Variants in FBXL17 observed in about 807,000 individuals in gnomAD.
The protein encoded by FBXL17 is F-box/LRR-repeat protein 17.
In FBXL17, 22 loss-of-function variants were observed where a neutral mutation model predicts 66.2. That is an observed-to-expected ratio of 0.33 (90% CI 0.24 to 0.47). The LOEUF (loss-of-function observed/expected upper bound fraction) is 0.47. FBXL17 is among the 20% of genes least tolerant of loss of function. The pLI is 1.00. For missense variants in FBXL17, 878 were observed against 948.2 expected, an observed-to-expected ratio of 0.93 and a Z score of 0.97; for synonymous variants, 474 against 400.5, an observed-to-expected ratio of 1.18 and a Z score of -2.19.
intron 6 of FBXL17, among the ~76,000 whole-genome samples, chr5:108,070,168 A>G (rs1162428378): frequency 6.6e-6 from 1 of 152,220 alleles, no homozygotes; most frequent in Admixed American, 6.5e-5. Context: ...CTATCATTCC[A>G]TTAGAACCAA....
intron 6 of FBXL17, among the ~76,000 whole-genome samples, chr5:108,082,628 CAA>C (rs3039992): frequency 0.34 from 51,423 of 151,778 alleles, 8,945 homozygotes; most frequent in Admixed American, 0.41. Flanking sequence ...TTTATAACTG[CAA>C]AGTGTGGTAG....
Position 108,272,254 on chromosome 5 carries a change from G to A in FBXL17, c.1507-48026C>T, listed in dbSNP as rs190565211. ...TGCAGTGACCCGAGATCGCGCCACC[G>A]CACTCCAACCTGGGCGACAGCAAGA... On this transcript the variant is annotated intron_variant, in intron 4 of 8. Transcript: ENST00000542267. 4.4e-4 allele frequency among the ~76,000 whole-genome samples: 67 copies of A among 151,500 alleles called. 1 individual carries two copies. The Middle Eastern group carries it at 0.01, about 23-fold the overall frequency.
chr5:108,245,971 C>T (rs1756077096), intron 4 of FBXL17, among the ~76,000 whole-genome samples: 1 of 152,146 alleles, frequency 6.6e-6, no homozygotes, highest in Non-Finnish European at 1.5e-5. Flanking sequence ...TTATTGAATA[C>T]ATGAATGAGT....
intron 4 of FBXL17, among the ~76,000 whole-genome samples, chr5:108,323,066 C>T (rs1759691537): frequency 6.6e-6 from 1 of 151,724 alleles, no homozygotes; most frequent in African/African-American, 2.4e-5. Flanking sequence ...CCATTTATGC[C>T]ACTTCTACTT....
intron 6 of FBXL17, among the ~76,000 whole-genome samples, chr5:108,104,055 G>A (rs1384047499): frequency 1.3e-5 from 2 of 152,058 alleles, no homozygotes; most frequent in African/African-American, 4.8e-5. Flanking sequence ...TGTTTTTTGA[G>A]ATGCAGCTTC....
intron 7 of FBXL17, among the ~76,000 whole-genome samples, chr5:107,940,779 A>G (rs1156955885): frequency 6.6e-6 from 1 of 152,194 alleles, no homozygotes; most frequent in Non-Finnish European, 1.5e-5. Context: ...TCTGCATTTT[A>G]AAAGGCAGGC....
chr5:108,298,888 T>A (rs1758459731), intron 4 of FBXL17: 3 of 929,880 alleles, frequency 3.2e-6, no homozygotes, highest in South Asian at 9.9e-5. Flanking sequence ...AAAATGAGCC[T>A]TTTTTCCATA....
Position 108,186,052 on chromosome 5 carries a change from T to C in FBXL17, c.1745+65A>G, listed in dbSNP as rs1034319753. The stretch of plus-strand genomic sequence containing the variant: ...TTTTAGTTATAGACATGCCTTGTTA[T>C]AATAATTAATATTTCCTAAATGTTT... On this transcript the variant is annotated intron_variant, in intron 6 of 8. Transcript: ENST00000542267. The C allele has an allele frequency of 2.3e-6, 3 of 1,299,446 alleles. No individual in the cohort carries two copies. In the Admixed American group the frequency reaches 5.7e-5, roughly 25 times the overall value. 80.5% of individuals were successfully genotyped at this position (1,299,446 alleles called of 1,614,324 possible).
At chr5:108,349,421 C>T (rs1054950278) in intron 3 of FBXL17, among the ~76,000 whole-genome samples, 1 of 151,798 alleles carries the variant, frequency 6.6e-6, no homozygotes, top group Non-Finnish European at 1.5e-5. Context: ...ATAAACATTG[C>T]TTTTGTAAGA....
At chr5:107,906,149 C>G (rs1037221836) in intron 7 of FBXL17, among the ~76,000 whole-genome samples, 1 of 151,400 alleles carries the variant, frequency 6.6e-6, no homozygotes, top group African/African-American at 2.4e-5. Flanking sequence ...AACTAGATGA[C>G]AGGCCAGCCA....
chr5:108,340,226 T>G (rs1746791697), intron 4 of FBXL17, among the ~76,000 whole-genome samples: 1 of 151,622 alleles, frequency 6.6e-6, no homozygotes, highest in South Asian at 2.1e-4. Context: ...AAAATGTATT[T>G]ATTCTTCAGA....
intron 5 of FBXL17, among the ~76,000 whole-genome samples, chr5:108,211,686 GA>G (rs1434241474): frequency 6.6e-6 from 1 of 152,206 alleles, no homozygotes; most frequent in African/African-American, 2.4e-5. Context: ...GATTTCTACA[GA>G]AAGATCCCCT....
chr5:108,050,344 C>G (rs935773154), intron 6 of FBXL17, among the ~76,000 whole-genome samples: 5 of 152,146 alleles, frequency 3.3e-5, no homozygotes, highest in African/African-American at 1.2e-4. Context: ...TGCAAAAGAA[C>G]TGAAATCATA....
At chr5:108,058,151 A>T (rs1747782210) in intron 6 of FBXL17, among the ~76,000 whole-genome samples, 1 of 152,204 alleles carries the variant, frequency 6.6e-6, no homozygotes. Flanking sequence ...TCTGTTAAGT[A>T]TTTACTTAGC....
At chr5:108,014,012 C>T (rs1256512835) in intron 7 of FBXL17, among the ~76,000 whole-genome samples, 1 of 152,068 alleles carries the variant, frequency 6.6e-6, no homozygotes, top group African/African-American at 2.4e-5. Context: ...TGATAATCGT[C>T]AATAATAATT....
intron 6 of FBXL17, among the ~76,000 whole-genome samples, chr5:108,067,795 T>A (rs286748): frequency 1.3e-5 from 2 of 152,088 alleles, no homozygotes; most frequent in African/African-American, 4.8e-5. Flanking sequence ...TGAAACTGAT[T>A]CAACATTTGG....
chr5:107,975,153 T>C (rs1247500771), intron 7 of FBXL17, among the ~76,000 whole-genome samples: 1 of 152,192 alleles, frequency 6.6e-6, no homozygotes, highest in Non-Finnish European at 1.5e-5. Context: ...CAGAGTCTAG[T>C]CATTGAGCTA....
At chr5:108,077,103 G>C (rs1748582963) in intron 6 of FBXL17, among the ~76,000 whole-genome samples, 1 of 152,138 alleles carries the variant, frequency 6.6e-6, no homozygotes, top group African/African-American at 2.4e-5. Context: ...AATTCATACA[G>C]GTATTGCAAG....
At chr5:108,227,252 T>C (rs924454862) in intron 4 of FBXL17, among the ~76,000 whole-genome samples, 1 of 152,250 alleles carries the variant, frequency 6.6e-6, no homozygotes, top group Non-Finnish European at 1.5e-5. Flanking sequence ...CCCCCAGTGC[T>C]TCAAAGAAGT....
Sources: gnomAD v4.1 joint callset for allele counts (sites outside exome capture counted in the v4.1 genomes callset) on GRCh38, gnomAD v4.1.1 for gene constraint, MANE v1.5 for transcripts, NCBI Gene and HGNC (gene_info 2026-07-23, HGNC 2026-07-21) for gene names.